Variants in CCDC180 observed in about 807,000 individuals in gnomAD.
The protein encoded by CCDC180 is coiled-coil domain-containing protein 180.
Under a neutral mutation model 209.2 loss-of-function variants are expected in CCDC180, and 154 were observed. That is an observed-to-expected ratio of 0.74 (90% CI 0.65 to 0.84). The LOEUF (loss-of-function observed/expected upper bound fraction) is 0.84, where lower values mean the gene tolerates loss of function less well. Among genes scored for constraint, CCDC180 ranks in the 40% least tolerant of loss-of-function variants. The pLI is 0.00. For synonymous variants in CCDC180, 778 were observed against 749.1 expected, an observed-to-expected ratio of 1.04 and a Z score of -0.63; for missense variants, 1,874 against 1,997.3, an observed-to-expected ratio of 0.94 and a Z score of 1.18.
chr9:97,337,627 T>G (rs578038567), intron 18 of CCDC180, among the ~76,000 whole-genome samples: 1 of 152,324 alleles, frequency 6.6e-6, no homozygotes, highest in East Asian at 1.9e-4. Context: ...AAATTCTCTT[T>G]TTTTGTTGTG....
At position 97,343,573 on chromosome 9, in the gene CCDC180, A is replaced by G. The variant is rs1826154949; in HGVS notation, c.2498+10A>G. The G allele has an allele frequency of 6.4e-7, 1 of 1,572,392 alleles. No individual in the cohort carries two copies. ...TAGAAATTAAGAAACAGTGAGTAAA[A>G]AACTATTTTATTCTCATCCTGTTGT... On this transcript the variant is annotated intron_variant, in intron 19 of 36. Transcript: ENST00000529487.
Position 97,376,808 on chromosome 9 carries a change from G to T in CCDC180, c.4888G>T (p.Asp1630Tyr). 6.2e-7 allele frequency: 1 copy of T among 1,613,538 alleles called. No homozygotes were observed. The highest frequency in any genetic ancestry group is 8.5e-7 in the Non-Finnish European group (1 of 1,179,970). ...GGAGGAGCTAAAGAGGATCCAGGAT[G>T]ACTGTACATCTCAGATAAAGGAGGC... The part of the protein sequence containing the change: ...FEEELKRIQD[D>Y]CTSQIKEAQR... Residue 1630 changes from aspartate (D) to tyrosine (Y), a missense_variant, in exon 37 of 37, where the codon GAC (aspartate) becomes TAC (tyrosine). Transcript: ENST00000529487.
rs1304546873 is a variant in CCDC180, at chr9:97,343,625, A to AT, written c.2498+64dup. 3.4e-5 allele frequency: 40 copies of AT among 1,189,772 alleles called. No individual in the cohort carries two copies. The African/African-American group carries it at 5.2e-4, about 15-fold the overall frequency. The allele number at this position is 1,189,772 out of a possible 1,614,324, so 73.7% of individuals were successfully genotyped here. A position where few individuals can be genotyped will look rare whatever the true frequency, so the allele number is the denominator to read the frequency against. On this transcript the variant is annotated intron_variant, in intron 19 of 36. Coordinates refer to ENST00000529487, the MANE Select transcript of CCDC180 (RefSeq NM_020893.6). Reference sequence around the variant, plus strand: ...CTGAGTTTTGTAAACAAGGTGAAATATTAAAAAAAAAAAAAGGATTGGGCT... The same window carrying AT: ...CTGAGTTTTGTAAACAAGGTGAAATATTTAAAAAAAAAAAAAGGATTGGGCT...
chr9:97,333,620 G>A lies in CCDC180; in HGVS notation c.2274+2853G>A, dbSNP rs558429285. On this transcript the variant is annotated intron_variant, in intron 18 of 36. Transcript: ENST00000529487. The stretch of plus-strand genomic sequence containing the variant: ...TTTCTTCCTGGTTCAGTCTTGGGAG[G>A]TATATGTGTTCATGAATTTATCCAT... Among the ~76,000 whole-genome samples the A allele has an allele frequency of 5.3e-5, 8 of 150,612 alleles. No homozygotes were observed. In the South Asian group the frequency reaches 1.7e-3, roughly 32 times the overall value.
At chr9:97,342,422 C>T (rs1826113959) in intron 18 of CCDC180, among the ~76,000 whole-genome samples, 1 of 150,274 alleles carries the variant, frequency 6.7e-6, no homozygotes, top group African/African-American at 2.4e-5. Context: ...CAATCCTATT[C>T]AACCATCTTG....
intron 31 of CCDC180, among the ~76,000 whole-genome samples, chr9:97,367,650 T>G (rs1826965938): frequency 2.0e-5 from 3 of 152,030 alleles, no homozygotes; most frequent in Admixed American, 2.0e-4. Context: ...ATTTTTGTAT[T>G]TTTAGTAAAG....
At position 97,326,549 on chromosome 9, in the gene CCDC180, T is replaced by A. The variant is rs758992951; in HGVS notation, c.1546-5T>A. ...GCTTCCTCTTGTTTTGGGGGTGGCTTCCAGGTGCAGGAGGCCCACCTCGAT... is the reference window on the plus strand; with the variant it reads ...GCTTCCTCTTGTTTTGGGGGTGGCTACCAGGTGCAGGAGGCCCACCTCGAT... On this transcript the variant is annotated splice_polypyrimidine_tract_variant and splice_region_variant and intron_variant, in intron 14 of 36. Coordinates refer to ENST00000529487, the MANE Select transcript of CCDC180 (RefSeq NM_020893.6). 2 of 1,589,902 alleles carry A rather than the reference T, an allele frequency of 1.3e-6. No individual in the cohort carries two copies. Among genetic ancestry groups the A allele is most frequent in the East Asian group, 2.2e-5 (1 of 44,760 alleles).
chr9:97,323,091 G>A (rs1190489729), intron 12 of CCDC180, among the ~76,000 whole-genome samples, 170 bp downstream of exon 12: 1 of 152,032 alleles, frequency 6.6e-6, no homozygotes, highest in Non-Finnish European at 1.5e-5. Flanking sequence ...AAAATGGCAT[G>A]GCTTCATAGC....
At chr9:97,325,502 G>T (rs956484265) in intron 14 of CCDC180, among the ~76,000 whole-genome samples, 1 of 152,218 alleles carries the variant, frequency 6.6e-6, no homozygotes, top group African/African-American at 2.4e-5. Flanking sequence ...TAAAGAGGGG[G>T]AGAATAACAT....
intron 14 of CCDC180, among the ~76,000 whole-genome samples, chr9:97,326,222 T>G (rs946079465): frequency 1.3e-5 from 2 of 152,138 alleles, no homozygotes; most frequent in Non-Finnish European, 2.9e-5. Flanking sequence ...CAAGCACGAC[T>G]GGTGAGAAGA....
At chr9:97,330,002 A>G in intron 16 of CCDC180, 152 bp from the exon 17 acceptor site, 1 of 643,142 alleles carries the variant, frequency 1.6e-6, no homozygotes. Context: ...TGGGAGGCGG[A>G]GCTTGCAGCG....
At chr9:97,314,372 C>G (rs748922066) in intron 5 of CCDC180, 21 bp from the exon 6 acceptor site, 37 of 1,613,772 alleles carry the variant, frequency 2.3e-5, no homozygotes, top group Admixed American at 3.3e-5. Context: ...CCTTGGCCAT[C>G]ATACCCCTGG....
intron 10 of CCDC180, among the ~76,000 whole-genome samples, chr9:97,319,610 T>C (rs865946034): frequency 1.1e-4 from 16 of 152,328 alleles, no homozygotes; most frequent in African/African-American, 3.6e-4. Context: ...TTAGTTCATG[T>C]AGGATAACGG....
chr9:97,328,714 G>C (rs924323527), intron 16 of CCDC180, among the ~76,000 whole-genome samples: 7 of 152,050 alleles, frequency 4.6e-5, no homozygotes, highest in Non-Finnish European at 1.0e-4. Context: ...CAAGAGAAAG[G>C]CTCCCACTCA....
chr9:97,362,921 C>T (rs755292066), intron 28 of CCDC180, among the ~76,000 whole-genome samples: 1 of 152,240 alleles, frequency 6.6e-6, no homozygotes, highest in Non-Finnish European at 1.5e-5. Context: ...TTGCCTTTCC[C>T]TCCAGAAGGT....
At chr9:97,335,413 G>A (rs1309682187) in intron 18 of CCDC180, among the ~76,000 whole-genome samples, 2 of 152,056 alleles carry the variant, frequency 1.3e-5, no homozygotes, top group African/African-American at 4.8e-5. Flanking sequence ...CCACCTATGA[G>A]TGAGAACATA....
rs746516281 is a variant in CCDC180 at position 97,318,576 on chromosome 9, C to A, written c.1073C>A (p.Thr358Asn). The A allele has an allele frequency of 8.7e-6, 14 of 1,612,570 alleles. No individual in the cohort carries two copies. In the East Asian group the frequency reaches 2.9e-4, roughly 33 times the overall value. The change falls in exon 10 of 37, where the codon ACC (threonine) becomes AAC (asparagine). Residue 358 changes from threonine to asparagine, a missense_variant. Physicochemically the swap from Thr to Asn is moderately conservative, Grantham distance 65. Coordinates refer to ENST00000529487, the MANE Select transcript of CCDC180 (RefSeq NM_020893.6). The part of the protein sequence containing the change: ...LQQRRLKHLC[T>N]ICDLLPPSYS... ...CAAAGGCGGCTGAAGCATCTCTGCA[C>A]CATCTGGTATGGGCAGGAGGGGCGG...
At chr9:97,350,780 AC>A (rs1229386471) in intron 22 of CCDC180, among the ~76,000 whole-genome samples, 3 of 151,890 alleles carry the variant, frequency 2.0e-5, no homozygotes, top group African/African-American at 7.3e-5. Flanking sequence ...CCAAACTGAA[AC>A]TCTGTACCAT....
intron 22 of CCDC180, among the ~76,000 whole-genome samples, chr9:97,353,153 T>C (rs552233389): frequency 1.4e-4 from 22 of 152,212 alleles, no homozygotes; most frequent in Middle Eastern, 6.8e-3. Context: ...TGTGCCACGA[T>C]GCCCAGCTAA....
Sources: gnomAD v4.1 joint callset for allele counts (sites outside exome capture counted in the v4.1 genomes callset) on GRCh38, gnomAD v4.1.1 for gene constraint, MANE v1.5 for transcripts, NCBI Gene and HGNC (gene_info 2026-07-23, HGNC 2026-07-21) for gene names.